Variants in AP3S1 observed in about 807,000 individuals in gnomAD.
AP3S1 encodes the protein AP-3 complex subunit sigma-1.
AP3S1 carries 12 observed loss-of-function variants against 21.3 expected under a neutral mutation model. The observed-to-expected ratio is 0.56, with a 90% CI of 0.36 to 0.91. The LOEUF is 0.91. Ranked by LOEUF, AP3S1 falls within the 40% of genes least tolerant of loss-of-function variation. The pLI, the probability that AP3S1 is intolerant of heterozygous loss-of-function variation, is 0.01. For synonymous variants in AP3S1, 48 were observed against 78.4 expected, an observed-to-expected ratio of 0.61 and a Z score of 2.05; for missense variants, 116 against 225.0, an observed-to-expected ratio of 0.52 and a Z score of 3.10.
At chr5:115,912,046 G>A (rs763603536) in intron 5 of AP3S1, 2 of 151,528 alleles carry the variant, frequency 1.3e-5, no homozygotes, top group Non-Finnish European at 3.0e-5. Context: ...ATAATCCATG[G>A]CTTTTATTTC....
chr5:115,887,118 G>A (rs1024956618), intron 3 of AP3S1, among the ~76,000 whole-genome samples: 2 of 152,082 alleles, frequency 1.3e-5, no homozygotes, highest in African/African-American at 4.8e-5. Flanking sequence ...ATTCATAATT[G>A]TTCTTCAAAG....
intron 1 of AP3S1, among the ~76,000 whole-genome samples, chr5:115,856,457 G>T: frequency 1.4e-5 from 2 of 147,040 alleles, no homozygotes. Flanking sequence ...TCTAGAGATA[G>T]CATCTTGCCC....
intron 3 of AP3S1, among the ~76,000 whole-genome samples, chr5:115,882,473 T>C (rs1749384796): frequency 6.6e-6 from 1 of 152,196 alleles, no homozygotes; most frequent in Non-Finnish European, 1.5e-5. Flanking sequence ...GCAGGTCTTC[T>C]GGAGCTTGCT....
chr5:115,863,316 G>A (rs1031320551), intron 1 of AP3S1, among the ~76,000 whole-genome samples: 1 of 152,132 alleles, frequency 6.6e-6, no homozygotes, highest in African/African-American at 2.4e-5. Flanking sequence ...AGAATCGCTT[G>A]AACCCAGGAG....
At chr5:115,849,710 A>G (rs563785344) in intron 1 of AP3S1, among the ~76,000 whole-genome samples, 32 of 152,280 alleles carry the variant, frequency 2.1e-4, no homozygotes, top group East Asian at 1.5e-3. Context: ...TTCTCTACCC[A>G]GTTATTGTTA....
At chr5:115,876,803 G>A (rs561845822) in intron 3 of AP3S1, among the ~76,000 whole-genome samples, 1 of 152,210 alleles carries the variant, frequency 6.6e-6, no homozygotes, top group African/African-American at 2.4e-5. Context: ...ACTTCTTAAT[G>A]ATTTAGATTG....
At chr5:115,873,123 C>A (rs777549127) in intron 3 of AP3S1, among the ~76,000 whole-genome samples, 1 of 152,104 alleles carries the variant, frequency 6.6e-6, no homozygotes, top group African/African-American at 2.4e-5. Flanking sequence ...TTTATGCTTG[C>A]GTCCTGAGAT....
chr5:115,907,589 A>G (rs945659338), intron 5 of AP3S1, among the ~76,000 whole-genome samples: 3 of 152,154 alleles, frequency 2.0e-5, no homozygotes, highest in African/African-American at 7.2e-5. Flanking sequence ...CCAAAATACA[A>G]TGGGTTTTCA....
chr5:115,863,471 G>A (rs1487510427), intron 1 of AP3S1, among the ~76,000 whole-genome samples: 1 of 152,084 alleles, frequency 6.6e-6, no homozygotes, highest in African/African-American at 2.4e-5. Context: ...TACTCGGGAG[G>A]CTGAGGCAGG....
chr5:115,842,162 C>T (rs1173802706), intron 1 of AP3S1, 56 bp downstream of exon 1: 6 of 1,517,026 alleles, frequency 4.0e-6, no homozygotes, highest in African/African-American at 1.4e-5. Context: ...CGACGGGCAG[C>T]GCCCAGCGCG....
chr5:115,852,741 T>G (rs1320447186), intron 1 of AP3S1, among the ~76,000 whole-genome samples: 5 of 152,186 alleles, frequency 3.3e-5, no homozygotes, highest in African/African-American at 4.8e-5. Flanking sequence ...ATTGGCTTCT[T>G]TTACTTTACA....
intron 5 of AP3S1, among the ~76,000 whole-genome samples, chr5:115,907,837 G>A (rs1751777324): frequency 6.6e-6 from 1 of 152,108 alleles, no homozygotes; most frequent in African/African-American, 2.4e-5. Flanking sequence ...TTCCATGTAC[G>A]TGGTGATGAG....
intron 3 of AP3S1, among the ~76,000 whole-genome samples, chr5:115,872,146 T>G (rs1052257893): frequency 4.6e-5 from 7 of 152,056 alleles, no homozygotes; most frequent in Non-Finnish European, 1.0e-4. Context: ...TCTACAAAAA[T>G]TAGACAGGCA....
chr5:115,856,580 TCAGCCTC>T (rs2112797112), intron 1 of AP3S1, among the ~76,000 whole-genome samples: 1 of 152,234 alleles, frequency 6.6e-6, no homozygotes, highest in East Asian at 1.9e-4. Flanking sequence ...TACTTTTGGC[TCAGCCTC>T]CTTGGTAGCC....
intron 1 of AP3S1, among the ~76,000 whole-genome samples, chr5:115,854,183 C>T (rs1762636779): frequency 6.6e-6 from 1 of 152,094 alleles, no homozygotes; most frequent in South Asian, 2.1e-4. Context: ...GCCCTCATGA[C>T]CTTATCACCT....
intron 2 of AP3S1, among the ~76,000 whole-genome samples, chr5:115,867,998 A>G (rs1035598354): frequency 1.8e-4 from 27 of 152,166 alleles, no homozygotes; most frequent in Admixed American, 5.9e-4. Context: ...TAACTAGCTG[A>G]TTTCCTTGGA....
intron 4 of AP3S1, among the ~76,000 whole-genome samples, chr5:115,896,104 T>C (rs193257223): frequency 6.6e-6 from 1 of 152,150 alleles, no homozygotes; most frequent in Non-Finnish European, 1.5e-5. Context: ...CCAGTGTGAT[T>C]TTTAAAAATT....
chr5:115,873,783 G>A (rs562243395), intron 3 of AP3S1, among the ~76,000 whole-genome samples: 23 of 152,192 alleles, frequency 1.5e-4, no homozygotes, highest in African/African-American at 5.5e-4. Context: ...AATGTAAAAA[G>A]TAAAAGTGGA....
In AP3S1 at chr5:115,875,242, A is replaced by T. The variant is rs73253122; in HGVS notation, c.273+5114A>T. ...GCTTGGAATGAATTTTATATGACAC[A>T]TTTATGTGATAAGAAATAGTCTTCA... On this transcript the variant is annotated intron_variant, in intron 3 of 5. Transcript: ENST00000316788. Among the ~76,000 whole-genome samples the T allele has an allele frequency of 5.4e-3, 829 of 152,234 alleles. 12 individuals carry two copies. Among genetic ancestry groups the T allele is most frequent in the African/African-American group, 0.016 (682 of 41,542 alleles).
Sources: allele counts gnomAD v4.1 joint callset (sites outside exome capture counted in the v4.1 genomes callset), GRCh38; gene constraint gnomAD v4.1.1; transcripts MANE v1.5; gene names NCBI Gene and HGNC (gene_info 2026-07-23, HGNC 2026-07-21).